FGD5: variants seen among roughly 807,000 people sequenced by gnomAD.
FGD5 encodes FYVE, RhoGEF and PH domain containing 5, also known as FYVE, RhoGEF and PH domain-containing protein 5.
A neutral mutation model predicts 133.4 loss-of-function variants in FGD5; 28 were observed. The ratio of observed to expected loss-of-function variants is 0.21; its 90% CI spans 0.16 to 0.29. FGD5 has a LOEUF of 0.29. Among genes scored for constraint, FGD5 ranks in the 10% least tolerant of loss-of-function variants. FGD5 has a pLI of 1.00. For missense variants in FGD5, 1,858 were observed against 1,895.2 expected (o/e 0.98, Z 0.36); for synonymous variants, 810 against 776.5 (o/e 1.04, Z -0.72).
At chr3:14,838,901 C>A (rs766286935) in intron 1 of FGD5, among the ~76,000 whole-genome samples, 2 of 152,202 alleles carry the variant, frequency 1.3e-5, no homozygotes, top group Non-Finnish European at 2.9e-5. Flanking sequence ...CCCTCTGCCC[C>A]CTCCTTACCT....
chr3:14,854,905 A>G (rs1479318322), intron 1 of FGD5, among the ~76,000 whole-genome samples: 2 of 152,154 alleles, frequency 1.3e-5, no homozygotes, highest in Non-Finnish European at 2.9e-5. Flanking sequence ...ACTATATAAT[A>G]TATGATTGAT....
chr3:14,850,126 G>A (rs975938120), intron 1 of FGD5, among the ~76,000 whole-genome samples: 10 of 152,214 alleles, frequency 6.6e-5, no homozygotes, highest in South Asian at 2.1e-4. Flanking sequence ...TTCCTGCTTC[G>A]CCTGTGGTCT....
intron 1 of FGD5, among the ~76,000 whole-genome samples, chr3:14,846,992 C>T (rs1239463571): frequency 6.6e-6 from 1 of 152,124 alleles, no homozygotes; most frequent in Non-Finnish European, 1.5e-5. Context: ...CCCTCCATCC[C>T]TCTGTTTTGT....
intron 4 of FGD5, among the ~76,000 whole-genome samples, chr3:14,886,631 T>C (rs1156604464): frequency 6.6e-6 from 1 of 152,214 alleles, no homozygotes; most frequent in East Asian, 1.9e-4. Context: ...TCCTCTGCAC[T>C]CCCTCTCACA....
intron 1 of FGD5, among the ~76,000 whole-genome samples, chr3:14,826,641 G>C (rs568307576): frequency 1.3e-5 from 2 of 152,338 alleles, no homozygotes; most frequent in East Asian, 3.9e-4. Flanking sequence ...AGCATTAGCT[G>C]TTATTAAGTG....
chr3:14,865,468 A>T (rs2037476572), intron 2 of FGD5, among the ~76,000 whole-genome samples: 1 of 152,012 alleles, frequency 6.6e-6, no homozygotes, highest in South Asian at 2.1e-4. Context: ...CCCTCAAGAG[A>T]GTTACTCCCC....
At chr3:14,910,980 G>T in intron 11 of FGD5, 51 bp downstream of exon 11, 1 of 1,543,626 alleles carries the variant, frequency 6.5e-7, no homozygotes, top group Non-Finnish European at 8.9e-7. Flanking sequence ...GTTCTATGAG[G>T]TTTTCTAGGG....
chr3:14,895,199 T>C (rs2038110110), intron 4 of FGD5, among the ~76,000 whole-genome samples: 1 of 152,242 alleles, frequency 6.6e-6, no homozygotes, highest in African/African-American at 2.4e-5. Context: ...GCAGAAACTT[T>C]TTAGACTGAT....
At chr3:14,860,885 G>A (rs1040569801) in intron 1 of FGD5, among the ~76,000 whole-genome samples, 5 of 152,016 alleles carry the variant, frequency 3.3e-5, no homozygotes. Context: ...AGGCTGTGGC[G>A]GGAGGATTGC....
chr3:14,880,726 C>T lies in FGD5; in HGVS notation c.2718-16C>T. ...GATGGGGATTAATGCAGCCTCAACCCTCTTTCCCTCTGCAGATACGTGGAG... is the reference window on the plus strand; with the variant it reads ...GATGGGGATTAATGCAGCCTCAACCTTCTTTCCCTCTGCAGATACGTGGAG... On this transcript the variant is annotated splice_polypyrimidine_tract_variant and intron_variant, in intron 3 of 19. Coordinates refer to ENST00000285046, the MANE Select transcript of FGD5 (RefSeq NM_152536.4). 6.2e-7 allele frequency: 1 copy of T among 1,614,026 alleles called. No homozygotes were observed. Among genetic ancestry groups the T allele is most frequent in the Non-Finnish European group, 8.5e-7 (1 of 1,179,884 alleles).
In FGD5 at chr3:14,922,534, C is replaced by A; in HGVS notation, c.3793C>A (p.His1265Asn). Residue 1265 changes from histidine (H) to asparagine (N), a missense_variant, in exon 15 of 20, where the codon CAC becomes AAC. His to Asn is a moderately conservative substitution (Grantham distance 68). Transcript: ENST00000285046. The surrounding 1 kb of genome is among the most constrained non-coding windows in gnomAD (Gnocchi z 4.1). ...CCTCACCCTGCGGCGTCATCACTGTCACGCCTGTGGCAAGGTGAGTCGCTG... is the reference window on the plus strand; with the variant it reads ...CCTCACCCTGCGGCGTCATCACTGTAACGCCTGTGGCAAGGTGAGTCGCTG... ...FSLTLRRHHCHACGKIVCRNC... is the reference protein window; with the variant it reads ...FSLTLRRHHCNACGKIVCRNC... 6.3e-7 allele frequency: 1 copy of A among 1,581,934 alleles called. No individual in the cohort carries two copies.
chr3:14,892,977 C>T (rs2038058899), intron 4 of FGD5, among the ~76,000 whole-genome samples: 1 of 152,176 alleles, frequency 6.6e-6, no homozygotes, highest in Non-Finnish European at 1.5e-5. Flanking sequence ...TCCATTTGGG[C>T]AAGAGTGCAT....
chr3:14,834,378 A>T (rs991288093), intron 1 of FGD5, among the ~76,000 whole-genome samples: 2 of 152,214 alleles, frequency 1.3e-5, no homozygotes, highest in African/African-American at 4.8e-5. Flanking sequence ...CTAGATAGCT[A>T]CCTCAAGGAG....
intron 18 of FGD5, among the ~76,000 whole-genome samples, chr3:14,927,908 G>C (rs1437190769): frequency 6.6e-6 from 1 of 150,534 alleles, no homozygotes; most frequent in African/African-American, 2.4e-5. Flanking sequence ...GGGACCACAA[G>C]TGTGTGACGC....
At chr3:14,902,282 A>T (rs1371789568) in intron 9 of FGD5, among the ~76,000 whole-genome samples, 2 of 39,042 alleles carry the variant, frequency 5.1e-5, no homozygotes, top group Admixed American at 2.8e-4. Context: ...ATTCCATCTT[A>T]AAAAAAAAAA....
chr3:14,830,817 C>T (rs1355328976), intron 1 of FGD5, among the ~76,000 whole-genome samples: 1 of 152,224 alleles, frequency 6.6e-6, no homozygotes, highest in African/African-American at 2.4e-5. Context: ...TCCTTGAGGA[C>T]AGATGTGTAT....
intron 1 of FGD5, among the ~76,000 whole-genome samples, chr3:14,855,400 A>G (rs2037258205): frequency 6.6e-6 from 1 of 152,154 alleles, no homozygotes; most frequent in Admixed American, 6.5e-5. Context: ...ATCACATGGT[A>G]GTTCTATTTG....
intron 1 of FGD5, among the ~76,000 whole-genome samples, chr3:14,813,188 A>C (rs2036318736): frequency 6.6e-6 from 1 of 152,182 alleles, no homozygotes; most frequent in Non-Finnish European, 1.5e-5. Context: ...CCCTATGAAA[A>C]AAAAGGGGGT....
intron 1 of FGD5, among the ~76,000 whole-genome samples, chr3:14,836,593 G>C (rs1362957900): frequency 2.6e-5 from 4 of 152,140 alleles, no homozygotes; most frequent in Admixed American, 2.6e-4. Flanking sequence ...CAGCCTTGAG[G>C]GTGGGAGGTT....
Sources: gnomAD v4.1 joint callset for allele counts (sites outside exome capture counted in the v4.1 genomes callset) on GRCh38, gnomAD v4.1.1 for gene constraint, Gnocchi (gnomAD v3.1) non-coding constraint, MANE v1.5 for transcripts, NCBI Gene and HGNC (gene_info 2026-07-23, HGNC 2026-07-21) for gene names.